GNA11: variants seen among roughly 807,000 people sequenced by gnomAD.
GNA11 encodes guanine nucleotide-binding protein subunit alpha-11.
A neutral mutation model predicts 38.2 loss-of-function variants in GNA11; 8 were observed. That is an observed-to-expected ratio of 0.21 (90% CI 0.12 to 0.38). GNA11 has a LOEUF of 0.38. Ranked by LOEUF, GNA11 falls within the 10% of genes least tolerant of loss-of-function variation. The pLI, the probability that GNA11 is intolerant of heterozygous loss-of-function variation, is 1.00. For synonymous variants in GNA11, 211 were observed against 221.4 expected (o/e 0.95, Z 0.42); for missense variants, 268 against 516.3 (o/e 0.52, Z 4.66).
At chr19:3,115,180 G>A in intron 4 of GNA11, 108 bp downstream of exon 4, 1 of 1,276,696 alleles carries the variant, frequency 7.8e-7, no homozygotes. Context: ...AAGGCGGGAG[G>A]ATCGCCTGAG....
intron 1 of GNA11, among the ~76,000 whole-genome samples, chr19:3,101,918 A>AC (rs1056883662): frequency 6.6e-6 from 1 of 151,880 alleles, no homozygotes; most frequent in African/African-American, 2.4e-5. Context: ...ACATGACGAG[A>AC]CCCCTGTCTC....
At chr19:3,114,113 A>G (rs1234063250) in intron 3 of GNA11, among the ~76,000 whole-genome samples, 8 of 151,792 alleles carry the variant, frequency 5.3e-5, no homozygotes, top group African/African-American at 1.9e-4. Context: ...CGACAGGGAC[A>G]GGCCTGTCCC....
intron 4 of GNA11, chr19:3,117,943 C>T (rs968640347): frequency 3.9e-5 from 6 of 152,324 alleles, no homozygotes; most frequent in African/African-American, 9.6e-5. Context: ...GGAGAGGCCT[C>T]GCGCTCCAGA....
At position 3,110,452 on chromosome 19, in the gene GNA11, C is replaced by T; in HGVS notation, c.321+119C>T. On this transcript the variant is annotated intron_variant, in intron 2 of 6. Transcript: ENST00000078429. This position sits in a 1 kb window ranked among gnomAD's most constrained non-coding sequence, Gnocchi z 5.4. ...GGGGGTCCCGGCCGGCCCAGGCTAC[C>T]CCTGGTCATCCATCCGTTCCTGTCA... 1.1e-5 allele frequency: 8 copies of T among 716,656 alleles called. No homozygotes were observed. In the South Asian group the frequency reaches 1.3e-4, roughly 11 times the overall value. 44.4% of individuals were successfully genotyped at this position (716,656 alleles called of 1,614,324 possible).
intron 1 of GNA11, among the ~76,000 whole-genome samples, chr19:3,107,354 C>G (rs1913663956): frequency 6.6e-6 from 1 of 152,178 alleles, no homozygotes; most frequent in Admixed American, 6.5e-5. Flanking sequence ...TCGCTGAGAG[C>G]TGAGGCTTGC....
rs1346147202 is a variant in GNA11 at position 3,122,089 on chromosome 19, G to A, written c.*910G>A. The A allele has an allele frequency of 3.4e-5, 8 of 233,192 alleles. No homozygotes were observed. The highest frequency in any genetic ancestry group is 5.9e-5 in the Non-Finnish European group (7 of 117,824). The allele number at this position is 233,192 out of a possible 1,614,324, so 14.4% of individuals were successfully genotyped here. On this transcript the variant is annotated 3_prime_UTR_variant, in exon 7 of 7. Coordinates refer to ENST00000078429, the MANE Select transcript of GNA11 (RefSeq NM_002067.5). This position sits in a 1 kb window ranked among gnomAD's most constrained non-coding sequence, Gnocchi z 7.7. ...TAGAGCGCACCCCACCGGAGCCCAC[G>A]TGGGCTGGGCGGCTGGAGGGATGGT...
At chr19:3,101,082 G>A (rs915944680) in intron 1 of GNA11, among the ~76,000 whole-genome samples, 4 of 152,114 alleles carry the variant, frequency 2.6e-5, no homozygotes, top group South Asian at 2.1e-4. Flanking sequence ...CGCACCGTCC[G>A]GTGGCCCAGG....
chr19:3,114,737 G>A (rs1278534896), intron 3 of GNA11, among the ~76,000 whole-genome samples: 1 of 152,208 alleles, frequency 6.6e-6, no homozygotes, highest in African/African-American at 2.4e-5. Context: ...CCCCAGAGAG[G>A]ATAGAGGTTG....
chr19:3,099,888 A>G (rs534886593), intron 1 of GNA11, among the ~76,000 whole-genome samples: 1 of 152,050 alleles, frequency 6.6e-6, no homozygotes, highest in South Asian at 2.1e-4. Context: ...TCAGGTTCAG[A>G]GCCTACCTCT....
chr19:3,106,967 T>C lies in GNA11; in HGVS notation c.137-3182T>C, dbSNP rs529066517. On this transcript the variant is annotated intron_variant, in intron 1 of 6. Coordinates refer to ENST00000078429, the MANE Select transcript of GNA11 (RefSeq NM_002067.5). ...AAAACGCAAAACAGGCCGGGCGCGG[T>C]GGCTCACGCCTGTAATCCCAGCGCT... Among the ~76,000 whole-genome samples, 32 of 152,324 alleles carry C rather than the reference T, an allele frequency of 2.1e-4. 1 individual carries two copies. The East Asian group carries it at 6.2e-3, about 29-fold the overall frequency.
At chr19:3,097,681 C>T (rs1467748060) in intron 1 of GNA11, among the ~76,000 whole-genome samples, 1 of 152,224 alleles carries the variant, frequency 6.6e-6, no homozygotes, top group African/African-American at 2.4e-5. Flanking sequence ...GGGGACCTTA[C>T]GGAGCCCTAG....
intron 1 of GNA11, among the ~76,000 whole-genome samples, chr19:3,103,508 C>T (rs1378066721): frequency 4.6e-5 from 6 of 129,564 alleles, no homozygotes; most frequent in Admixed American, 2.4e-4. Context: ...CCACTGCGCC[C>T]GGCCTTGAAT....
chr19:3,099,835 G>A (rs922497894), intron 1 of GNA11, among the ~76,000 whole-genome samples: 5 of 152,192 alleles, frequency 3.3e-5, no homozygotes, highest in Non-Finnish European at 7.3e-5. Context: ...GCAGGGCCTG[G>A]GAGCAGTGTG....
At position 3,108,865 on chromosome 19, in the gene GNA11, C is replaced by T. The variant is rs558235419; in HGVS notation, c.137-1284C>T. 6.6e-6 allele frequency among the ~76,000 whole-genome samples: 1 copy of T among 152,246 alleles called. No individual in the cohort carries two copies. The highest frequency in any genetic ancestry group is 2.1e-4 in the South Asian group (1 of 4,818). ...GCTGGAGGAGCCACTCACAAGTTGG[C>T]TCCCTCTAGTGGCTGTTGGTGGGAG... On this transcript the variant is annotated intron_variant, in intron 1 of 6. Coordinates refer to ENST00000078429, the MANE Select transcript of GNA11 (RefSeq NM_002067.5). The surrounding 1 kb of genome is among the most constrained non-coding windows in gnomAD (Gnocchi z 4.5).
intron 2 of GNA11, among the ~76,000 whole-genome samples, chr19:3,112,553 G>A (rs1913800388): frequency 6.6e-6 from 1 of 152,236 alleles, no homozygotes; most frequent in Non-Finnish European, 1.5e-5. Context: ...CCCCCACAGT[G>A]TCTGCCCCAA....
At chr19:3,109,457 C>T (rs1913714639) in intron 1 of GNA11, among the ~76,000 whole-genome samples, 1 of 152,214 alleles carries the variant, frequency 6.6e-6, no homozygotes, top group Non-Finnish European at 1.5e-5. Flanking sequence ...GCGTACTCGT[C>T]TCTGGAAGCA....
At chr19:3,097,323 C>T (rs890242373) in intron 1 of GNA11, among the ~76,000 whole-genome samples, 2 of 152,182 alleles carry the variant, frequency 1.3e-5, no homozygotes, top group Non-Finnish European at 2.9e-5. Flanking sequence ...AGAATTCTTT[C>T]CTCCCCTGCC....
rs1913320714 is a variant in GNA11 at position 3,094,794 on chromosome 19, G to C, written c.136+7G>C. On this transcript the variant is annotated splice_region_variant and intron_variant, in intron 1 of 6. Coordinates refer to ENST00000078429, the MANE Select transcript of GNA11 (RefSeq NM_002067.5). This position sits in a 1 kb window ranked among gnomAD's most constrained non-coding sequence, Gnocchi z 6.0. Reference sequence around the variant, plus strand: ...CTCAAGCTGCTGCTGCTCGGTGAGTGCGGCCCCCGGGCCTGCCGGCTGCGG... The same window carrying C: ...CTCAAGCTGCTGCTGCTCGGTGAGTCCGGCCCCCGGGCCTGCCGGCTGCGG... The C allele has an allele frequency of 1.3e-6, 2 of 1,568,890 alleles. No individual in the cohort carries two copies. Among genetic ancestry groups the C allele is most frequent in the Non-Finnish European group, 1.7e-6 (2 of 1,160,042 alleles).
intron 4 of GNA11, 27 bp from the exon 5 acceptor site, chr19:3,118,897 C>G (rs1913992294): frequency 1.2e-6 from 2 of 1,604,038 alleles, no homozygotes; most frequent in Non-Finnish European, 1.7e-6. Context: ...CGCCAGGTGG[C>G]TGAGTCCTGG....
Sources: gnomAD v4.1 joint callset for allele counts (sites outside exome capture counted in the v4.1 genomes callset) on GRCh38, gnomAD v4.1.1 for gene constraint, Gnocchi (gnomAD v3.1) non-coding constraint, MANE v1.5 for transcripts, NCBI Gene and HGNC (gene_info 2026-07-23, HGNC 2026-07-21) for gene names.